Variants in ARHGAP32 observed in about 807,000 individuals in gnomAD.
ARHGAP32 encodes rho GTPase-activating protein 32.
ARHGAP32 carries 51 observed loss-of-function variants against 186.5 expected under a neutral mutation model. That is an observed-to-expected ratio of 0.27 (90% CI 0.22 to 0.35). ARHGAP32 has a LOEUF of 0.35. Ranked by LOEUF, ARHGAP32 falls within the 10% of genes least tolerant of loss-of-function variation. The pLI is 1.00. For synonymous variants in ARHGAP32, 950 were observed against 964.3 expected, an observed-to-expected ratio of 0.99 and a Z score of 0.27; for missense variants, 2,186 against 2,623.5, an observed-to-expected ratio of 0.83 and a Z score of 3.64.
rs572011215 is a variant in ARHGAP32, at chr11:128,974,546, A to G, written c.2651T>C (p.Leu884Ser). 7 of 1,614,218 alleles carry G rather than the reference A, an allele frequency of 4.3e-6. No homozygotes were observed. In the African/African-American group the frequency reaches 9.3e-5, roughly 22 times the overall value. The change falls in exon 21 of 23, where the codon TTG (leucine) becomes TCG (serine). Residue 884 changes from leucine (L) to serine (S), a missense_variant. Transcript: ENST00000682385. ...AGATGATTTATCTTCAGTTGGGCTC[A>G]AGTCCAGGGTAAAGAATGGACTCAG... ...EKLSPFFTLDLSPTEDKSSKP... is the reference protein window; with the variant it reads ...EKLSPFFTLDSSPTEDKSSKP...
At chr11:128,979,450 T>A (rs1162518075) in intron 18 of ARHGAP32, among the ~76,000 whole-genome samples, 1 of 152,216 alleles carries the variant, frequency 6.6e-6, no homozygotes. Context: ...ATTATGACAC[T>A]AAGAAGTTCA....
Position 129,121,606 on chromosome 11 carries a change from T to A in ARHGAP32, c.444+1840A>T, listed in dbSNP as rs147579674. On this transcript the variant is annotated intron_variant, in intron 5 of 22. Coordinates refer to ENST00000682385, the MANE Select transcript of ARHGAP32 (RefSeq NM_001378024.1). Reference sequence around the variant, plus strand: ...CAGGCCTCCTGGTCAATCAATACAATCCTGAAACATCTCACTCATACACCT... The same window carrying A: ...CAGGCCTCCTGGTCAATCAATACAAACCTGAAACATCTCACTCATACACCT... Among the ~76,000 whole-genome samples the A allele has an allele frequency of 1.3e-3, 191 of 152,088 alleles. 3 individuals carry two copies. The highest frequency in any genetic ancestry group is 4.3e-3 in the African/African-American group (180 of 41,510).
intron 5 of ARHGAP32, among the ~76,000 whole-genome samples, chr11:129,115,241 T>TTGAC (rs1942333367): frequency 6.6e-6 from 1 of 152,092 alleles, no homozygotes; most frequent in African/African-American, 2.4e-5. Flanking sequence ...ACTTTAAAAC[T>TTGAC]ACTGAGTTCA....
At chr11:129,174,137 G>C (rs974883510) in intron 1 of ARHGAP32, among the ~76,000 whole-genome samples, 1 of 152,246 alleles carries the variant, frequency 6.6e-6, no homozygotes, top group Non-Finnish European at 1.5e-5. Flanking sequence ...GGGAAGCGCA[G>C]AGGGTCAGGG....
intron 1 of ARHGAP32, among the ~76,000 whole-genome samples, chr11:129,278,926 C>T (rs1290752015): frequency 6.9e-6 from 1 of 144,854 alleles, no homozygotes; most frequent in Admixed American, 6.9e-5. Flanking sequence ...GGGGCGCGGG[C>T]GCGGGAGGCG....
chr11:129,051,252 C>T (rs1008229505), intron 10 of ARHGAP32, among the ~76,000 whole-genome samples: 1 of 152,188 alleles, frequency 6.6e-6, no homozygotes, highest in Non-Finnish European at 1.5e-5. Flanking sequence ...AATTTACACT[C>T]CCGCCAACAG....
At chr11:129,127,225 A>G (rs1942683228) in intron 2 of ARHGAP32, among the ~76,000 whole-genome samples, 1 of 152,156 alleles carries the variant, frequency 6.6e-6, no homozygotes, top group South Asian at 2.1e-4. Flanking sequence ...TGCAACCACA[A>G]CTGACTGGAC....
chr11:129,178,151 GACAA>G (rs1304309396), intron 1 of ARHGAP32, among the ~76,000 whole-genome samples: 10 of 151,572 alleles, frequency 6.6e-5, no homozygotes, highest in Non-Finnish European at 1.0e-4. Flanking sequence ...ACCAACAACA[GACAA>G]ACAGAGAGCC....
At chr11:129,146,008 T>C (rs2135439952) in intron 2 of ARHGAP32, among the ~76,000 whole-genome samples, 1 of 152,236 alleles carries the variant, frequency 6.6e-6, no homozygotes, top group Admixed American at 6.5e-5. Context: ...ATGGTTACAT[T>C]TGTGATGGTT....
chr11:129,154,771 G>A (rs1026546066), intron 2 of ARHGAP32, among the ~76,000 whole-genome samples: 5 of 152,020 alleles, frequency 3.3e-5, no homozygotes, highest in Admixed American at 1.3e-4. Context: ...ACTATACATC[G>A]GGTACAATGT....
intron 6 of ARHGAP32, among the ~76,000 whole-genome samples, chr11:129,086,635 C>T (rs895951719): frequency 6.6e-6 from 1 of 152,040 alleles, no homozygotes; most frequent in Non-Finnish European, 1.5e-5. Flanking sequence ...TCCCGGCTAG[C>T]ACGGTGAAAC....
At chr11:129,055,014 C>T (rs1416695016) in intron 10 of ARHGAP32, among the ~76,000 whole-genome samples, 1 of 152,194 alleles carries the variant, frequency 6.6e-6, no homozygotes, top group Non-Finnish European at 1.5e-5. Flanking sequence ...ACCTGCAGCA[C>T]ACATGGACCA....
At position 129,239,152 on chromosome 11, in the gene ARHGAP32, G is replaced by A. The variant is rs75837435; in HGVS notation, c.-5+39994C>T. ...AGTGTGAACCACTATGCCAGGCCAC[G>A]ATAATAATTTTTCTAAGCCCTCGCA... On this transcript the variant is annotated intron_variant, in intron 1 of 6. Coordinates refer to the ARHGAP32 transcript ENST00000525234. 3.7e-3 allele frequency among the ~76,000 whole-genome samples: 563 copies of A among 152,214 alleles called. 5 individuals carry two copies. The highest frequency in any genetic ancestry group is 0.013 in the African/African-American group (530 of 41,522).
At chr11:129,086,924 A>C (rs1013736138) in intron 6 of ARHGAP32, among the ~76,000 whole-genome samples, 3 of 152,180 alleles carry the variant, frequency 2.0e-5, no homozygotes, top group African/African-American at 7.2e-5. Flanking sequence ...TAATTAAAAA[A>C]CAGGCAAAAG....
chr11:128,977,323 C>A (rs963916674), intron 19 of ARHGAP32, among the ~76,000 whole-genome samples: 14 of 152,224 alleles, frequency 9.2e-5, no homozygotes, highest in African/African-American at 3.4e-4. Flanking sequence ...TCTTCATCCT[C>A]TTTAACCCCT....
At chr11:129,094,221 A>G (rs1157604773) in intron 5 of ARHGAP32, among the ~76,000 whole-genome samples, 1 of 152,144 alleles carries the variant, frequency 6.6e-6, no homozygotes, top group Non-Finnish European at 1.5e-5. Flanking sequence ...AATGACTAAA[A>G]TAGTATAACT....
At chr11:129,199,926 G>T (rs940188750) in intron 1 of ARHGAP32, among the ~76,000 whole-genome samples, 5 of 152,196 alleles carry the variant, frequency 3.3e-5, no homozygotes, top group Non-Finnish European at 5.9e-5. Context: ...CAAGACCATG[G>T]GAACCGACCT....
At chr11:129,134,845 T>C (rs1942900143) in intron 2 of ARHGAP32, among the ~76,000 whole-genome samples, 1 of 152,110 alleles carries the variant, frequency 6.6e-6, no homozygotes, top group Non-Finnish European at 1.5e-5. Flanking sequence ...TGAGAACACA[T>C]AAAAGGTGCC....
chr11:129,046,513 C>T (rs538854865), intron 10 of ARHGAP32, among the ~76,000 whole-genome samples: 1 of 152,218 alleles, frequency 6.6e-6, no homozygotes, highest in African/African-American at 2.4e-5. Flanking sequence ...CACCCTCTGA[C>T]TCTAGGAGAA....
Sources: gnomAD v4.1 joint callset for allele counts (sites outside exome capture counted in the v4.1 genomes callset) on GRCh38, gnomAD v4.1.1 for gene constraint, MANE v1.5 for transcripts, NCBI Gene and HGNC (gene_info 2026-07-23, HGNC 2026-07-21) for gene names.